KIRREL3: variants seen among roughly 807,000 people sequenced by gnomAD.
The protein encoded by KIRREL3 is kirre like nephrin family adhesion molecule 3, also known as kin of IRRE-like protein 3.
A neutral mutation model predicts 89.7 loss-of-function variants in KIRREL3; 36 were observed. The ratio of observed to expected loss-of-function variants is 0.40; its 90% CI spans 0.31 to 0.53. The LOEUF (loss-of-function observed/expected upper bound fraction) is 0.53. KIRREL3 is among the 20% of genes least tolerant of loss of function. The pLI is 0.49. For missense variants in KIRREL3, 864 were observed against 1,056.6 expected (o/e 0.82, Z 2.53); for synonymous variants, 445 against 441.4 (o/e 1.01, Z -0.10).
Position 126,589,129 on chromosome 11 carries a change from C to T in KIRREL3, c.56-26217G>A, listed in dbSNP as rs538366013. On this transcript the variant is annotated intron_variant, in intron 1 of 16. Coordinates refer to ENST00000525144, the MANE Select transcript of KIRREL3 (RefSeq NM_032531.4). ...AGAGCAATTACTGCTGCCCTGGAGC[C>T]GCTGCCTCTCCAGGTGTCTGCCTCC... 1.7e-4 allele frequency among the ~76,000 whole-genome samples: 26 copies of T among 152,336 alleles called. 1 individual carries two copies. In the South Asian group the frequency reaches 5.0e-3, roughly 29 times the overall value.
chr11:126,521,219 G>A lies in KIRREL3; in HGVS notation c.433+96C>T. The A allele has an allele frequency of 7.7e-7, 1 of 1,305,262 alleles. No individual in the cohort carries two copies. Among genetic ancestry groups the A allele is most frequent in the East Asian group, 2.6e-5 (1 of 37,910 alleles). The allele number at this position is 1,305,262 out of a possible 1,614,324, so 80.9% of individuals were successfully genotyped here. A position where few individuals can be genotyped will look rare whatever the true frequency, so the allele number is the denominator to read the frequency against. ...AGCCCTGTGGGATGATCCCCAGAGG[G>A]GAGTCTCCCCATGTCTGACCAAAAA... On this transcript the variant is annotated intron_variant, in intron 4 of 16. Coordinates refer to ENST00000525144, the MANE Select transcript of KIRREL3 (RefSeq NM_032531.4). The surrounding 1 kb of genome is among the most constrained non-coding windows in gnomAD (Gnocchi z 4.1).
In KIRREL3 at chr11:126,498,641, C is replaced by T. The variant is rs896950342; in HGVS notation, c.433+22674G>A. Among the ~76,000 whole-genome samples, 2 of 152,176 alleles carry T rather than the reference C, an allele frequency of 1.3e-5. No individual in the cohort carries two copies. The highest frequency in any genetic ancestry group is 4.8e-5 in the African/African-American group (2 of 41,450). ...AGCCAGGAGGGGAAGGGGCCCGTGA[C>T]CTGGCACCCTGTGACGACAAGCAGA... On this transcript the variant is annotated intron_variant, in intron 4 of 16. Coordinates refer to ENST00000525144, the MANE Select transcript of KIRREL3 (RefSeq NM_032531.4). This position sits in a 1 kb window ranked among gnomAD's most constrained non-coding sequence, Gnocchi z 4.3.
rs1355939813 is a variant in KIRREL3, at chr11:126,485,306, G to A, written c.434-11840C>T. Among the ~76,000 whole-genome samples, 1 of 152,162 alleles carries A rather than the reference G, an allele frequency of 6.6e-6. No individual in the cohort carries two copies. The highest frequency in any genetic ancestry group is 2.4e-5 in the African/African-American group (1 of 41,440). ...GTTTCAGTTCTGCTCCTAACCTGGGGGTGGGGGGAACCCTGAACTAGCTGA... is the reference window on the plus strand; with the variant it reads ...GTTTCAGTTCTGCTCCTAACCTGGGAGTGGGGGGAACCCTGAACTAGCTGA... On this transcript the variant is annotated intron_variant, in intron 4 of 16. Transcript: ENST00000525144. The surrounding 1 kb of genome is among the most constrained non-coding windows in gnomAD (Gnocchi z 5.8).
chr11:126,725,063 G>T (rs116364404), intron 1 of KIRREL3, among the ~76,000 whole-genome samples: 1,805 of 152,300 alleles, frequency 0.012, 39 homozygotes, highest in African/African-American at 0.041. Context: ...TCTGGTGCCT[G>T]CTTAATGGGG....
Position 126,953,999 on chromosome 11 carries a change from G to A in KIRREL3, c.55+46456C>T, listed in dbSNP as rs1403933435. Among the ~76,000 whole-genome samples, 1 of 152,130 alleles carries A rather than the reference G, an allele frequency of 6.6e-6. No homozygotes were observed. Among genetic ancestry groups the A allele is most frequent in the Non-Finnish European group, 1.5e-5 (1 of 68,014 alleles). On this transcript the variant is annotated intron_variant, in intron 1 of 16. Coordinates refer to ENST00000525144, the MANE Select transcript of KIRREL3 (RefSeq NM_032531.4). This position sits in a 1 kb window ranked among gnomAD's most constrained non-coding sequence, Gnocchi z 5.2. The stretch of plus-strand genomic sequence containing the variant: ...AACGACAAGATGCACATCTGTCAGA[G>A]GTGTGAGCCTGTGTGTGTGTGCACA...
Position 126,953,447 on chromosome 11 carries a change from T to A in KIRREL3, c.55+47008A>T, listed in dbSNP as rs1948826346. On this transcript the variant is annotated intron_variant, in intron 1 of 16. Transcript: ENST00000525144. This position sits in a 1 kb window ranked among gnomAD's most constrained non-coding sequence, Gnocchi z 5.2. ...GTATACCTTTGTAACAAACTGTACATTCTGCACAAGTATCCCAGAACTTAA... is the reference window on the plus strand; with the variant it reads ...GTATACCTTTGTAACAAACTGTACAATCTGCACAAGTATCCCAGAACTTAA... 6.6e-6 allele frequency among the ~76,000 whole-genome samples: 1 copy of A among 152,146 alleles called. No individual in the cohort carries two copies. The highest frequency in any genetic ancestry group is 6.5e-5 in the Admixed American group (1 of 15,268).
rs572712348 is a variant in KIRREL3, at chr11:126,747,466, G to A, written c.56-184554C>T. Among the ~76,000 whole-genome samples the A allele has an allele frequency of 2.6e-5, 4 of 151,928 alleles. No individual in the cohort carries two copies. The highest frequency in any genetic ancestry group is 2.1e-4 in the South Asian group (1 of 4,804). On this transcript the variant is annotated intron_variant, in intron 1 of 16. Transcript: ENST00000525144. This position sits in a 1 kb window ranked among gnomAD's most constrained non-coding sequence, Gnocchi z 4.7. ...TCTGATTAAGTCATGCAACCTCATC[G>A]CCACTACCTGGGACTGTCTTTCCTT...
At chr11:126,506,057 AT>A (rs1375845891) in intron 4 of KIRREL3, among the ~76,000 whole-genome samples, 2 of 152,236 alleles carry the variant, frequency 1.3e-5, no homozygotes, top group East Asian at 3.8e-4. Flanking sequence ...TGTCGGAACA[AT>A]TGGATATCTG....
rs1394117096 is a variant in KIRREL3, at chr11:126,970,701, C to G, written c.55+29754G>C. Among the ~76,000 whole-genome samples, 3 of 152,142 alleles carry G rather than the reference C, an allele frequency of 2.0e-5. No homozygotes were observed. Among genetic ancestry groups the G allele is most frequent in the Admixed American group, 6.5e-5 (1 of 15,276 alleles). On this transcript the variant is annotated intron_variant, in intron 1 of 16. Transcript: ENST00000525144. This position sits in a 1 kb window ranked among gnomAD's most constrained non-coding sequence, Gnocchi z 4.4. The stretch of plus-strand genomic sequence containing the variant: ...TATTATATGTAAAATGATAAACATA[C>G]AGCATTTCAACCACATCCCTAGTTA...
rs1038435678 is a variant in KIRREL3, at chr11:126,454,395, C to T, written c.848+1954G>A. The stretch of plus-strand genomic sequence containing the variant: ...ACCAGAGCCTGGCAGTGAGGAGAAA[C>T]GAAAGTCGAAAGTTGTGTGTCCTGG... On this transcript the variant is annotated intron_variant, in intron 7 of 16. Transcript: ENST00000525144. This position sits in a 1 kb window ranked among gnomAD's most constrained non-coding sequence, Gnocchi z 5.8. 5.9e-5 allele frequency among the ~76,000 whole-genome samples: 9 copies of T among 152,070 alleles called. No homozygotes were observed. The highest frequency in any genetic ancestry group is 2.1e-4 in the South Asian group (1 of 4,806).
chr11:126,553,367 C>T lies in KIRREL3; in HGVS notation c.133+9468G>A, dbSNP rs573800055. On this transcript the variant is annotated intron_variant, in intron 2 of 16. Transcript: ENST00000525144. The surrounding 1 kb of genome is among the most constrained non-coding windows in gnomAD (Gnocchi z 4.7). ...TCTAGGCAAGACCCATTTGTAGACC[C>T]GCAGCACCAGTCTCACTTGCTAGCT... Among the ~76,000 whole-genome samples the T allele has an allele frequency of 3.9e-5, 6 of 152,244 alleles. No homozygotes were observed. Among genetic ancestry groups the T allele is most frequent in the Admixed American group, 2.0e-4 (3 of 15,304 alleles).
chr11:126,816,277 C>A (rs1027267983), intron 1 of KIRREL3, among the ~76,000 whole-genome samples: 1 of 152,192 alleles, frequency 6.6e-6, no homozygotes, highest in Non-Finnish European at 1.5e-5. Context: ...AATTCAAATG[C>A]ATGTCAGCTC....
chr11:126,671,412 AC>A (rs2135058900), intron 1 of KIRREL3, among the ~76,000 whole-genome samples: 1 of 152,268 alleles, frequency 6.6e-6, no homozygotes, highest in African/African-American at 2.4e-5. Context: ...GATCCATAAA[AC>A]AAAAAATTGA....
chr11:126,545,317 G>A (rs1399988747), intron 2 of KIRREL3, among the ~76,000 whole-genome samples: 1 of 152,162 alleles, frequency 6.6e-6, no homozygotes, highest in Admixed American at 6.5e-5. Context: ...ACCAAGGGGA[G>A]CCGTCTTTGC....
chr11:126,451,415 T>C (rs971973318), intron 7 of KIRREL3, among the ~76,000 whole-genome samples: 4 of 149,620 alleles, frequency 2.7e-5, no homozygotes, highest in Admixed American at 6.6e-5. Flanking sequence ...TGCATGTGTG[T>C]GCATGTGTGA....
intron 1 of KIRREL3, among the ~76,000 whole-genome samples, chr11:126,855,836 C>T (rs1056401613): frequency 6.6e-6 from 1 of 152,188 alleles, no homozygotes; most frequent in African/African-American, 2.4e-5. Flanking sequence ...CATCTCTATG[C>T]CCTCTGGGCT....
intron 2 of KIRREL3, among the ~76,000 whole-genome samples, chr11:126,540,954 T>G (rs1938321429): frequency 6.6e-6 from 1 of 152,028 alleles, no homozygotes; most frequent in Admixed American, 6.5e-5. Flanking sequence ...CACCTTGGGA[T>G]GTGTTGGAGC....
chr11:126,851,195 GC>G (rs1245846165), intron 1 of KIRREL3, among the ~76,000 whole-genome samples: 1 of 152,190 alleles, frequency 6.6e-6, no homozygotes, highest in Non-Finnish European at 1.5e-5. Flanking sequence ...TGTGTATTGT[GC>G]TTTAAGGTGA....
rs1946215607 is a variant in KIRREL3 at position 126,676,876 on chromosome 11, C to A, written c.56-113964G>T. Among the ~76,000 whole-genome samples the A allele has an allele frequency of 6.6e-6, 1 of 151,990 alleles. No homozygotes were observed. Among genetic ancestry groups the A allele is most frequent in the African/African-American group, 2.4e-5 (1 of 41,366 alleles). On this transcript the variant is annotated intron_variant, in intron 1 of 16. Transcript: ENST00000525144. This position sits in a 1 kb window ranked among gnomAD's most constrained non-coding sequence, Gnocchi z 4.5. ...CACAGGTCACCGCAGCCTCGATCTC[C>A]CAGGCTCAAGCGGTCGTCCTGCCTA... is the stretch of plus-strand genomic sequence containing the variant.
Sources: gnomAD v4.1 joint callset for allele counts (sites outside exome capture counted in the v4.1 genomes callset) on GRCh38, gnomAD v4.1.1 for gene constraint, Gnocchi (gnomAD v3.1) non-coding constraint, MANE v1.5 for transcripts, NCBI Gene and HGNC (gene_info 2026-07-23, HGNC 2026-07-21) for gene names.